The following KCNIP4 variants were observed in gnomAD, a reference collection of about 807,000 sequenced individuals.
The protein encoded by KCNIP4 is Kv channel-interacting protein 4.
In KCNIP4, 12 loss-of-function variants were observed where a neutral mutation model predicts 34.0. That is an observed-to-expected ratio of 0.35 (90% CI 0.23 to 0.57). KCNIP4 has a LOEUF of 0.57. Among genes scored for constraint, KCNIP4 ranks in the 20% least tolerant of loss-of-function variants. The pLI, the probability that KCNIP4 is intolerant of heterozygous loss-of-function variation, is 0.83. For synonymous variants in KCNIP4, 124 were observed against 102.2 expected (o/e 1.21, Z -1.29); for missense variants, 238 against 311.7 (o/e 0.76, Z 1.78).
intron 1 of KCNIP4, among the ~76,000 whole-genome samples, chr4:21,266,251 A>G (rs1408598311): frequency 6.6e-6 from 1 of 152,190 alleles, no homozygotes; most frequent in Non-Finnish European, 1.5e-5. Flanking sequence ...TACGAAGCGT[A>G]CAATGGAGAG....
chr4:21,045,036 A>T (rs1041110495), intron 1 of KCNIP4, among the ~76,000 whole-genome samples: 8 of 152,260 alleles, frequency 5.3e-5, no homozygotes, highest in Non-Finnish European at 7.3e-5. Flanking sequence ...CTCATGATTC[A>T]TTAAGAGATG....
At chr4:20,944,731 C>T (rs944552486) in intron 1 of KCNIP4, among the ~76,000 whole-genome samples, 6 of 152,178 alleles carry the variant, frequency 3.9e-5, no homozygotes, top group African/African-American at 1.4e-4. Flanking sequence ...TGCCAGGTAG[C>T]CCTCCCTCTG....
At chr4:21,193,110 T>A (rs6846494) in intron 1 of KCNIP4, among the ~76,000 whole-genome samples, 2 of 148,844 alleles carry the variant, frequency 1.3e-5, no homozygotes, top group African/African-American at 2.5e-5. Context: ...AGCAAGACCC[T>A]GGCTAAAAAA....
chr4:20,987,253 T>G (rs906091564), intron 1 of KCNIP4, among the ~76,000 whole-genome samples: 8 of 152,124 alleles, frequency 5.3e-5, no homozygotes, highest in Non-Finnish European at 1.2e-4. Context: ...TTTAAAAAAG[T>G]AACTCCAGAT....
intron 5 of KCNIP4, among the ~76,000 whole-genome samples, chr4:20,735,620 C>A (rs1749443725): frequency 6.7e-6 from 1 of 149,974 alleles, no homozygotes; most frequent in Admixed American, 6.7e-5. Flanking sequence ...ACTTCCACCT[C>A]CCACCTCCCA....
intron 1 of KCNIP4, among the ~76,000 whole-genome samples, chr4:20,915,508 T>G (rs2149576826): frequency 6.6e-6 from 1 of 152,340 alleles, no homozygotes; most frequent in East Asian, 1.9e-4. Flanking sequence ...ATATTAATTT[T>G]GTTCTGCAAA....
intron 1 of KCNIP4, among the ~76,000 whole-genome samples, chr4:21,326,071 C>G (rs951728509): frequency 8.6e-5 from 13 of 151,890 alleles, no homozygotes; most frequent in Non-Finnish European, 1.9e-4. Flanking sequence ...TATTCTGCAG[C>G]TGGTAGAGAT....
At chr4:20,875,411 A>T (rs900168751) in intron 2 of KCNIP4, among the ~76,000 whole-genome samples, 1 of 152,166 alleles carries the variant, frequency 6.6e-6, no homozygotes, top group African/African-American at 2.4e-5. Context: ...TTACAGAGTT[A>T]TTTTTAGGAT....
intron 1 of KCNIP4, among the ~76,000 whole-genome samples, chr4:21,152,595 T>G (rs1752838321): frequency 6.6e-6 from 1 of 152,032 alleles, no homozygotes; most frequent in South Asian, 2.1e-4. Flanking sequence ...GTTTGTTTGT[T>G]TTTACTCAGA....
intron 1 of KCNIP4, among the ~76,000 whole-genome samples, chr4:21,735,357 A>G (rs917708907): frequency 2.0e-5 from 3 of 152,340 alleles, no homozygotes; most frequent in Non-Finnish European, 2.9e-5. Flanking sequence ...TCAATAAATT[A>G]AATTTAAAAC....
chr4:21,340,538 A>G (rs573013684), intron 1 of KCNIP4, among the ~76,000 whole-genome samples: 3 of 152,298 alleles, frequency 2.0e-5, no homozygotes, highest in East Asian at 3.9e-4. Flanking sequence ...GGTATAGTAC[A>G]AGGCTGTGGT....
chr4:20,887,365 G>C (rs1175401737), intron 1 of KCNIP4, among the ~76,000 whole-genome samples: 1 of 151,190 alleles, frequency 6.6e-6, no homozygotes, highest in African/African-American at 2.4e-5. Context: ...TAAAACACAA[G>C]TGAAATCTGT....
intron 1 of KCNIP4, among the ~76,000 whole-genome samples, chr4:20,921,476 T>C (rs1729384490): frequency 6.9e-6 from 1 of 145,568 alleles, no homozygotes; most frequent in Non-Finnish European, 1.5e-5. Flanking sequence ...TCAAGTCAGT[T>C]GAGTAAGGTC....
chr4:20,954,235 C>A (rs1486053448), intron 1 of KCNIP4, among the ~76,000 whole-genome samples: 4 of 152,062 alleles, frequency 2.6e-5, no homozygotes, highest in Non-Finnish European at 5.9e-5. Context: ...CTAAGGTGTT[C>A]AAAATCAACT....
chr4:20,917,276 C>A (rs1370311976), intron 1 of KCNIP4, among the ~76,000 whole-genome samples: 1 of 151,816 alleles, frequency 6.6e-6, no homozygotes, highest in Non-Finnish European at 1.5e-5. Context: ...TATCCACCTA[C>A]CTCGGCCTCC....
chr4:21,560,274 C>A (rs1260075613), intron 1 of KCNIP4, among the ~76,000 whole-genome samples: 1 of 152,018 alleles, frequency 6.6e-6, no homozygotes, highest in African/African-American at 2.4e-5. Context: ...AACTCTGCAT[C>A]TGATTTTCAG....
chr4:21,282,459 AGTGT>A (rs34143880), intron 1 of KCNIP4, among the ~76,000 whole-genome samples: 39,782 of 146,632 alleles, frequency 0.27, 5,226 homozygotes, highest in East Asian at 0.31. Context: ...AAGATGTGTG[AGTGT>A]GTGTGTGTGT....
chr4:21,773,755 T>TTTTGTTTG (rs1553930262), intron 1 of KCNIP4, among the ~76,000 whole-genome samples: 1 of 137,868 alleles, frequency 7.3e-6, no homozygotes, highest in East Asian at 2.0e-4. Flanking sequence ...GTTTTTTTTT[T>TTTTGTTTG]TTTGTTTGTT....
rs358829 is a variant in KCNIP4, at chr4:21,587,826, C to T, written c.61+360745G>A. ...CAGAGTGGGAGGAAATCTTAGCAAA[C>T]AGTTAATACACATCTTGCCCAAAGA... On this transcript the variant is annotated intron_variant, in intron 1 of 8. Transcript: ENST00000382152. Among the ~76,000 whole-genome samples the T allele has an allele frequency of 2.3e-3, 352 of 152,132 alleles. 1 individual carries two copies. Among genetic ancestry groups the T allele is most frequent in the African/African-American group, 8.2e-3 (339 of 41,546 alleles).
Sources: allele counts gnomAD v4.1 joint callset (sites outside exome capture counted in the v4.1 genomes callset), GRCh38; gene constraint gnomAD v4.1.1; transcripts MANE v1.5; gene names NCBI Gene and HGNC (gene_info 2026-07-23, HGNC 2026-07-21).